Variants in PAK1IP1 observed in about 807,000 individuals in gnomAD.
PAK1IP1 encodes PAK1 interacting protein 1.
PAK1IP1 carries 24 observed loss-of-function variants against 42.0 expected under a neutral mutation model. The ratio of observed to expected loss-of-function variants is 0.57; its 90% confidence interval spans 0.41 to 0.80. The LOEUF (loss-of-function observed/expected upper bound fraction) is 0.80, where lower values mean the gene tolerates loss of function less well. Ranked by LOEUF, PAK1IP1 falls within the 30% of genes least tolerant of loss-of-function variation. The pLI, the probability that PAK1IP1 is intolerant of heterozygous loss-of-function variation, is 0.00. For missense variants in PAK1IP1, 411 were observed against 467.9 expected (o/e 0.88, Z 1.12); for synonymous variants, 154 against 156.7 (o/e 0.98, Z 0.13).
rs531264339 is a variant in PAK1IP1 at position 10,704,427 on chromosome 6, A to C, written c.497-80A>C. The C allele has an allele frequency of 5.2e-5, 41 of 789,868 alleles. No homozygotes were observed. In the African/African-American group the frequency reaches 6.8e-4, roughly 13 times the overall value. The allele number at this position is 789,868 out of a possible 1,614,324, so 48.9% of individuals were successfully genotyped here. A position where few individuals can be genotyped will look rare whatever the true frequency, so the allele number is the denominator to read the frequency against. On this transcript the variant is annotated intron_variant, in intron 5 of 9. Coordinates refer to ENST00000379568, the MANE Select transcript of PAK1IP1 (RefSeq NM_017906.3). ...AATGAATTTGAAAATGCACAGTATA[A>C]ATATTTGCTATTTTTATTACTATGA...
chr6:10,700,891 G>A lies in PAK1IP1; in HGVS notation c.248-1478G>A, dbSNP rs111815331. The stretch of plus-strand genomic sequence containing the variant: ...GTGCAGGTTTGTTACGTAGGTAAAC[G>A]TCCCATGGTGGTTTGCTTTACAGAT... On this transcript the variant is annotated intron_variant, in intron 2 of 9. Coordinates refer to ENST00000379568, the MANE Select transcript of PAK1IP1 (RefSeq NM_017906.3). Among the ~76,000 whole-genome samples, 802 of 151,876 alleles carry A rather than the reference G, an allele frequency of 5.3e-3. 6 individuals carry two copies. Among genetic ancestry groups the A allele is most frequent in the African/African-American group, 0.018 (758 of 41,370 alleles).
chr6:10,705,946 G>A (rs918811538), intron 7 of PAK1IP1, among the ~76,000 whole-genome samples: 1 of 152,132 alleles, frequency 6.6e-6, no homozygotes, highest in Non-Finnish European at 1.5e-5. Flanking sequence ...CATTCCAGAT[G>A]TACTAATAAC....
Position 10,709,467 on chromosome 6 carries a change from C to T in PAK1IP1, c.*15C>T. Reference sequence around the variant, plus strand: ...CAATGCAGTGAATCACAGATGTCTCCTGAAAGAACTCTTTTAGATGAAATC... The same window carrying T: ...CAATGCAGTGAATCACAGATGTCTCTTGAAAGAACTCTTTTAGATGAAATC... On this transcript the variant is annotated 3_prime_UTR_variant, in exon 10 of 10. Transcript: ENST00000379568. 2 of 1,540,398 alleles carry T rather than the reference C, an allele frequency of 1.3e-6. No homozygotes were observed. The highest frequency in any genetic ancestry group is 1.8e-6 in the Non-Finnish European group (2 of 1,124,898).
At chr6:10,705,211 G>A (rs1026481063) in intron 7 of PAK1IP1, among the ~76,000 whole-genome samples, 16 of 152,044 alleles carry the variant, frequency 1.1e-4, no homozygotes, top group Non-Finnish European at 1.8e-4. Context: ...CCAGTTACTC[G>A]AGAGGGTGAG....
At chr6:10,701,436 C>G (rs1490434417) in intron 2 of PAK1IP1, among the ~76,000 whole-genome samples, 2 of 152,218 alleles carry the variant, frequency 1.3e-5, no homozygotes, top group African/African-American at 4.8e-5. Context: ...CAACTCCATC[C>G]ACATCCCTGC....
At chr6:10,705,557 C>T (rs978580884) in intron 7 of PAK1IP1, among the ~76,000 whole-genome samples, 34 of 148,266 alleles carry the variant, frequency 2.3e-4, no homozygotes, top group African/African-American at 8.2e-4. Flanking sequence ...AGTGAATTGA[C>T]GTTATTGAGT....
Position 10,707,463 on chromosome 6 carries a change from T to A in PAK1IP1, c.789T>A (p.Val263=), listed in dbSNP as rs1770238585. The A allele has an allele frequency of 6.2e-7, 1 of 1,611,926 alleles. No homozygotes were observed. The highest frequency in any genetic ancestry group is 1.3e-5 in the African/African-American group (1 of 74,894). The change falls in exon 8 of 10, where the codon GTT becomes GTA. Residue 263 remains valine, a synonymous_variant. Coordinates refer to ENST00000379568, the MANE Select transcript of PAK1IP1 (RefSeq NM_017906.3). ...AAATTCCAGAGCATCATGTTATTGT[T>A]TCAGCATCGAGTGATGGTTTCATCA... The part of the protein sequence containing the change: ...SFEIPEHHVI[V]SASSDGFIKM...
At chr6:10,693,938 A>G (rs1204458737), upstream of PAK1IP1, among the ~76,000 whole-genome samples, 1 of 152,134 alleles carries the variant, frequency 6.6e-6, no homozygotes, top group South Asian at 2.1e-4. Context: ...TATGTTGCTC[A>G]GGCTCACTTT....
At chr6:10,695,145 G>A (rs893224839) in intron 1 of PAK1IP1, 76 bp downstream of exon 1, 1 of 846,530 alleles carries the variant, frequency 1.2e-6, no homozygotes, top group Non-Finnish European at 2.0e-6. Flanking sequence ...CAGCAGAGGT[G>A]AACATTGGAG....
Position 10,703,426 on chromosome 6 carries a change from A to G in PAK1IP1, c.465A>G (p.Gly155=), listed in dbSNP as rs1193621522. 6.2e-7 allele frequency: 1 copy of G among 1,611,820 alleles called. No individual in the cohort carries two copies. The highest frequency in any genetic ancestry group is 8.5e-7 in the Non-Finnish European group (1 of 1,178,410). ...GCAGAACGTGGAATCTTGTAGAAGG[A>G]AGATCAGCATTCATAAAAAATATAA... is the stretch of plus-strand genomic sequence containing the variant. The part of the protein sequence containing the change: ...KTLRTWNLVE[G]RSAFIKNIKQ... The change falls in exon 5 of 10, where the codon GGA becomes GGG. Residue 155 remains glycine, a synonymous_variant. Coordinates refer to ENST00000379568, the MANE Select transcript of PAK1IP1 (RefSeq NM_017906.3).
Position 10,709,499 on chromosome 6 carries a change from C to G in PAK1IP1, c.*47C>G. ...AACTCTTTTAGATGAAATCATTCTACTCAAATGTACCTTAATTTTTTTTTT... is the reference window on the plus strand; with the variant it reads ...AACTCTTTTAGATGAAATCATTCTAGTCAAATGTACCTTAATTTTTTTTTT... On this transcript the variant is annotated 3_prime_UTR_variant, in exon 10 of 10. Coordinates refer to ENST00000379568, the MANE Select transcript of PAK1IP1 (RefSeq NM_017906.3). 8.1e-7 allele frequency: 1 copy of G among 1,241,046 alleles called. No homozygotes were observed. Among genetic ancestry groups the G allele is most frequent in the South Asian group, 1.7e-5 (1 of 58,984 alleles). 76.9% of individuals were successfully genotyped at this position (1,241,046 alleles called of 1,614,324 possible). A position where few individuals can be genotyped will look rare whatever the true frequency, so the allele number is the denominator to read the frequency against.
At chr6:10,694,612 AAG>A, upstream of PAK1IP1, 1 of 183,294 alleles carries the variant, frequency 5.5e-6, no homozygotes, top group Non-Finnish European at 1.2e-5. Flanking sequence ...AACCGGCCGG[AAG>A]TCGGCCCCAC....
At chr6:10,694,622 C>CGT, upstream of PAK1IP1, 26 of 186,960 alleles carry the variant, frequency 1.4e-4, no homozygotes, top group South Asian at 4.9e-4. Flanking sequence ...AAGTCGGCCC[C>CGT]ACCTCCTCCT....
Position 10,708,973 on chromosome 6 carries a change from C to A in PAK1IP1, c.861C>A (p.Leu287=). ...KQDKKVPPSL[L]CEINTNARLT... is the part of the protein sequence containing the mutation. Reference sequence around the variant, plus strand: ...TTTAGAAAGTTCCCCCATCTTTACTCTGTGAAATAAACACTAATGCCAGGC... The same window carrying A: ...TTTAGAAAGTTCCCCCATCTTTACTATGTGAAATAAACACTAATGCCAGGC... The change falls in exon 9 of 10, where the codon CTC becomes CTA. Residue 287 remains leucine (L), a synonymous_variant. Coordinates refer to ENST00000379568, the MANE Select transcript of PAK1IP1 (RefSeq NM_017906.3). 1 of 1,610,952 alleles carries A rather than the reference C, an allele frequency of 6.2e-7. No homozygotes were observed.
chr6:10,709,673 T>C lies in PAK1IP1; in HGVS notation c.*221T>C. On this transcript the variant is annotated 3_prime_UTR_variant, in exon 10 of 10. Coordinates refer to ENST00000379568, the MANE Select transcript of PAK1IP1 (RefSeq NM_017906.3). ...TTTTATGAATTATGTATCATGTTGA[T>C]ATATAATATGTTAATGTGTCATGTA... is the stretch of plus-strand genomic sequence containing the variant. 3.2e-6 allele frequency: 1 copy of C among 313,244 alleles called. No individual in the cohort carries two copies. The highest frequency in any genetic ancestry group is 5.6e-6 in the Non-Finnish European group (1 of 179,744). 19.4% of individuals were successfully genotyped at this position (313,244 alleles called of 1,614,324 possible). A position where few individuals can be genotyped will look rare whatever the true frequency, so the allele number is the denominator to read the frequency against.
At chr6:10,691,078 T>G (rs1769252246), upstream of PAK1IP1, among the ~76,000 whole-genome samples, 1 of 152,234 alleles carries the variant, frequency 6.6e-6, no homozygotes, top group African/African-American at 2.4e-5. Context: ...CTCTGTTATT[T>G]AGCTGTGTGT....
intron 5 of PAK1IP1, 33 bp downstream of exon 5, chr6:10,703,490 A>T: frequency 2.0e-6 from 3 of 1,481,638 alleles, no homozygotes; most frequent in Non-Finnish European, 2.8e-6. Context: ...CAGGTTGAGC[A>T]TTCCTAATCT....
intron 2 of PAK1IP1, among the ~76,000 whole-genome samples, chr6:10,700,047 G>C (rs1210121447): frequency 6.8e-6 from 1 of 148,106 alleles, no homozygotes; most frequent in African/African-American, 2.5e-5. Context: ...ACAAACAAAC[G>C]AAAAAAACAA....
rs72821574 is a variant in PAK1IP1 at position 10,709,399 on chromosome 6, G to T, written c.1126G>T (p.Val376Leu). 1.2e-6 allele frequency: 2 copies of T among 1,612,818 alleles called. No homozygotes were observed. Among genetic ancestry groups the T allele is most frequent in the South Asian group, 2.2e-5 (2 of 90,750 alleles). Residue 376 changes from valine (V) to leucine (L), a missense_variant, in exon 10 of 10, where the codon GTA (valine) becomes TTA (leucine). Val to Leu is a conservative substitution (Grantham distance 32). Transcript: ENST00000379568. The part of the protein sequence containing the change: ...GLISTKKRKM[V>L]EMLEKKRKKK... Reference sequence around the variant, plus strand: ...GATATCAACCAAGAAGAGGAAAATGGTAGAAATGTTGGAAAAGAAGAGGAA... The same window carrying T: ...GATATCAACCAAGAAGAGGAAAATGTTAGAAATGTTGGAAAAGAAGAGGAA...
Sources: allele counts gnomAD v4.1 joint callset (sites outside exome capture counted in the v4.1 genomes callset), GRCh38; gene constraint gnomAD v4.1.1; transcripts MANE v1.5; gene names NCBI Gene and HGNC (gene_info 2026-07-23, HGNC 2026-07-21).